The following GTF2E1 variants were observed in gnomAD, a reference collection of about 807,000 sequenced individuals.
The protein encoded by GTF2E1 is general transcription factor IIE subunit 1.
GTF2E1 carries 14 observed loss-of-function variants against 34.9 expected under a neutral mutation model. The ratio of observed to expected loss-of-function variants is 0.40; its 90% confidence interval spans 0.27 to 0.63. The LOEUF is 0.63. Among genes scored for constraint, GTF2E1 ranks in the 20% least tolerant of loss-of-function variants. The probability of loss-of-function intolerance (pLI) is 0.39; values close to 1 mark genes in which losing one functional copy is unlikely to be tolerated. For missense variants in GTF2E1, 469 were observed against 557.7 expected (o/e 0.84, Z 1.60); for synonymous variants, 188 against 192.9 (o/e 0.97, Z 0.21).
At chr3:120,772,266 A>G (rs973170701) in intron 3 of GTF2E1, among the ~76,000 whole-genome samples, 12 of 152,156 alleles carry the variant, frequency 7.9e-5, no homozygotes, top group Admixed American at 2.0e-4. Flanking sequence ...ATATTTCTAA[A>G]CCAGCAGCTG....
At chr3:120,762,818 C>G (rs1410359782) in intron 2 of GTF2E1, among the ~76,000 whole-genome samples, 1 of 152,160 alleles carries the variant, frequency 6.6e-6, no homozygotes, top group African/African-American at 2.4e-5. Flanking sequence ...TCATCCTATT[C>G]TATACCATAT....
intron 4 of GTF2E1, among the ~76,000 whole-genome samples, chr3:120,780,743 GA>G (rs900943374): frequency 1.3e-5 from 2 of 152,124 alleles, no homozygotes; most frequent in African/African-American, 4.8e-5. Flanking sequence ...TCATTTTACA[GA>G]AAAAGGTATT....
At chr3:120,770,299 G>C (rs908813272) in intron 2 of GTF2E1, among the ~76,000 whole-genome samples, 1 of 152,064 alleles carries the variant, frequency 6.6e-6, no homozygotes, top group Non-Finnish European at 1.5e-5. Flanking sequence ...CAATGTTCAG[G>C]ATGACTAGAA....
At chr3:120,745,538 C>T (rs981187964) in intron 1 of GTF2E1, among the ~76,000 whole-genome samples, 2 of 152,102 alleles carry the variant, frequency 1.3e-5, no homozygotes, top group African/African-American at 4.8e-5. Flanking sequence ...TGAGACAAAA[C>T]CTTTAGGAGT....
chr3:120,749,035 T>G (rs1397500212), intron 1 of GTF2E1, among the ~76,000 whole-genome samples: 2 of 152,252 alleles, frequency 1.3e-5, no homozygotes, highest in Admixed American at 1.3e-4. Flanking sequence ...AGTTCACTCA[T>G]GATTTGGCTC....
At position 120,776,403 on chromosome 3, in the gene GTF2E1, C is replaced by A; in HGVS notation, c.651-20C>A. 1 of 1,604,428 alleles carries A rather than the reference C, an allele frequency of 6.2e-7. No homozygotes were observed. Among genetic ancestry groups the A allele is most frequent in the Non-Finnish European group, 8.5e-7 (1 of 1,176,816 alleles). On this transcript the variant is annotated intron_variant, in intron 3 of 4. Coordinates refer to ENST00000283875, the MANE Select transcript of GTF2E1 (RefSeq NM_005513.3). Reference sequence around the variant, plus strand: ...CATTAATTTTTCTTCTTCCTGTACTCCTCTATTCTTTTTATATAGCAAGGA... The same window carrying A: ...CATTAATTTTTCTTCTTCCTGTACTACTCTATTCTTTTTATATAGCAAGGA...
rs1422873463 is a variant in GTF2E1, at chr3:120,782,315, T to G, written c.*845T>G. 6.6e-6 allele frequency: 1 copy of G among 152,186 alleles called. No homozygotes were observed. The highest frequency in any genetic ancestry group is 1.5e-5 in the Non-Finnish European group (1 of 68,042). 9.4% of individuals were successfully genotyped at this position (152,186 alleles called of 1,614,324 possible). ...GGAGCGTGTGTGGAAGGGGGAGAGA[T>G]ATACTTGAGTCTTATGATTAATGTC... is the stretch of plus-strand genomic sequence containing the variant. On this transcript the variant is annotated 3_prime_UTR_variant, in exon 5 of 5. Coordinates refer to ENST00000283875, the MANE Select transcript of GTF2E1 (RefSeq NM_005513.3).
At chr3:120,754,936 G>A (rs977130174) in intron 2 of GTF2E1, among the ~76,000 whole-genome samples, 1 of 151,986 alleles carries the variant, frequency 6.6e-6, no homozygotes, top group Non-Finnish European at 1.5e-5. Context: ...TTGGAGGATC[G>A]CATAATGTAA....
chr3:120,744,472 C>A (rs1576354001), intron 1 of GTF2E1, among the ~76,000 whole-genome samples: 2 of 152,190 alleles, frequency 1.3e-5, no homozygotes, highest in Admixed American at 1.3e-4. Context: ...TATGGTATTT[C>A]CTCAAAGACA....
intron 3 of GTF2E1, among the ~76,000 whole-genome samples, chr3:120,771,585 G>A (rs1709352070): frequency 6.6e-6 from 1 of 151,964 alleles, no homozygotes; most frequent in Non-Finnish European, 1.5e-5. Flanking sequence ...CCTCTTCCCA[G>A]CATCAAGTAA....
At chr3:120,753,338 G>A (rs1473886992) in intron 2 of GTF2E1, among the ~76,000 whole-genome samples, 1 of 152,062 alleles carries the variant, frequency 6.6e-6, no homozygotes, top group African/African-American at 2.4e-5. Flanking sequence ...TAATAATTAT[G>A]CCTTGTCTAA....
chr3:120,761,641 A>C (rs1292996937), intron 2 of GTF2E1, among the ~76,000 whole-genome samples: 1 of 152,190 alleles, frequency 6.6e-6, no homozygotes, highest in Non-Finnish European at 1.5e-5. Flanking sequence ...CATTGGTTTC[A>C]AAGAACATCT....
At chr3:120,773,576 T>C (rs1257792549) in intron 3 of GTF2E1, among the ~76,000 whole-genome samples, 1 of 152,128 alleles carries the variant, frequency 6.6e-6, no homozygotes, top group African/African-American at 2.4e-5. Context: ...TATAAAAATC[T>C]TCCTATCTTT....
chr3:120,744,116 T>G lies in GTF2E1; in HGVS notation c.-31+1322T>G, dbSNP rs577724814. Among the ~76,000 whole-genome samples, 11 of 152,326 alleles carry G rather than the reference T, an allele frequency of 7.2e-5. No individual in the cohort carries two copies. The East Asian group carries it at 1.2e-3, about 16-fold the overall frequency. ...TTTCCATGTGGGAACATGGGCTCAC[T>G]TTTTCCTCAGATATTTCCAATTTTG... On this transcript the variant is annotated intron_variant, in intron 1 of 4. Coordinates refer to ENST00000283875, the MANE Select transcript of GTF2E1 (RefSeq NM_005513.3).
At chr3:120,748,644 G>A (rs1335778501) in intron 1 of GTF2E1, among the ~76,000 whole-genome samples, 1 of 152,154 alleles carries the variant, frequency 6.6e-6, no homozygotes, top group African/African-American at 2.4e-5. Context: ...TGCTGTTTTG[G>A]TTACTGTAGC....
Position 120,770,932 on chromosome 3 carries a change from G to A in GTF2E1, c.650+3G>A, listed in dbSNP as rs770452932. ...GAAATCCCAGCCCTGAAACAGAGGT[G>A]AGTGTAGGCCCTGTGCTCTTACTAA... is the stretch of plus-strand genomic sequence containing the variant. On this transcript the variant is annotated splice_donor_region_variant and intron_variant, in intron 3 of 4. Coordinates refer to ENST00000283875, the MANE Select transcript of GTF2E1 (RefSeq NM_005513.3). 120 of 1,610,932 alleles carry A rather than the reference G, an allele frequency of 7.4e-5. No homozygotes were observed. The highest frequency in any genetic ancestry group is 9.7e-5 in the Non-Finnish European group (114 of 1,177,356).
chr3:120,757,567 T>A (rs1293360281), intron 2 of GTF2E1, among the ~76,000 whole-genome samples: 1 of 152,222 alleles, frequency 6.6e-6, no homozygotes, highest in Non-Finnish European at 1.5e-5. Context: ...TGTGTTACTG[T>A]TTGCTAATAG....
intron 2 of GTF2E1, among the ~76,000 whole-genome samples, chr3:120,751,783 A>G (rs1709166590): frequency 6.6e-6 from 1 of 152,176 alleles, no homozygotes; most frequent in Non-Finnish European, 1.5e-5. Context: ...TATTTTCTAC[A>G]GGTAAAAATC....
At chr3:120,759,929 T>C (rs1384551120) in intron 2 of GTF2E1, among the ~76,000 whole-genome samples, 1 of 152,212 alleles carries the variant, frequency 6.6e-6, no homozygotes, top group Non-Finnish European at 1.5e-5. Context: ...CAGGCTGTTT[T>C]TTGGTTCCAT....
Sources: allele counts gnomAD v4.1 joint callset (sites outside exome capture counted in the v4.1 genomes callset), GRCh38; gene constraint gnomAD v4.1.1; transcripts MANE v1.5; gene names NCBI Gene and HGNC (gene_info 2026-07-23, HGNC 2026-07-21).